Variants in CFAP44 observed in about 807,000 individuals in gnomAD.
CFAP44 encodes cilia and flagella associated protein 44, also known as cilia- and flagella-associated protein 44.
Under a neutral mutation model 216.2 loss-of-function variants are expected in CFAP44, and 134 were observed. The ratio of observed to expected loss-of-function variants is 0.62; its 90% CI spans 0.54 to 0.72. The LOEUF is 0.72. Ranked by LOEUF, CFAP44 falls within the 30% of genes least tolerant of loss-of-function variation. The pLI, the probability that CFAP44 is intolerant of heterozygous loss-of-function variation, is 0.00. For synonymous variants in CFAP44, 700 were observed against 727.6 expected, an observed-to-expected ratio of 0.96 and a Z score of 0.61; for missense variants, 2,035 against 2,182.1, an observed-to-expected ratio of 0.93 and a Z score of 1.34.
At chr3:113,400,782 TAGAA>T in intron 11 of CFAP44, 138 bp from the exon 12 acceptor site, 2 of 773,640 alleles carry the variant, frequency 2.6e-6, no homozygotes, top group Non-Finnish European at 4.1e-6. Flanking sequence ...CCTAAAAAGT[TAGAA>T]AGAACACTGG....
intron 28 of CFAP44, among the ~76,000 whole-genome samples, chr3:113,317,198 C>A (rs189841634): frequency 6.6e-6 from 1 of 152,334 alleles, no homozygotes; most frequent in Non-Finnish European, 1.5e-5. Flanking sequence ...CCATGACTCC[C>A]ATGGATGTGT....
At chr3:113,338,912 G>C (rs932108153) in intron 24 of CFAP44, among the ~76,000 whole-genome samples, 1 of 152,126 alleles carries the variant, frequency 6.6e-6, no homozygotes, top group African/African-American at 2.4e-5. Flanking sequence ...GCTGGAGAGA[G>C]CTGACTCCTC....
In CFAP44 at chr3:113,333,413, T is replaced by C; in HGVS notation, c.3608A>G (p.Asp1203Gly). Residue 1203 changes from aspartate (D) to glycine (G), a missense_variant, in exon 25 of 35, where the codon GAT becomes GGT. Around this residue, in one of 3 missense-constraint regions of CFAP44, gnomAD observed 1,883 missense variants for 2,023.7 expected, o/e 0.93. Coordinates refer to ENST00000393845, the MANE Select transcript of CFAP44 (RefSeq NM_001164496.2). ...AAATCTGTAGATAAGTACCAAAGAATCTAGGTGTCCTAGTTCCTCTTCCTT... is the reference window on the plus strand; with the variant it reads ...AAATCTGTAGATAAGTACCAAAGAACCTAGGTGTCCTAGTTCCTCTTCCTT... The part of the protein sequence containing the change: ...AKKEEELGHL[D>G]SLVHGNKRHM... The C allele has an allele frequency of 2.0e-6, 3 of 1,536,872 alleles. No homozygotes were observed. Among genetic ancestry groups the C allele is most frequent in the Non-Finnish European group, 2.6e-6 (3 of 1,146,770 alleles).
chr3:113,371,733 T>G (rs951657631), intron 18 of CFAP44, among the ~76,000 whole-genome samples: 1 of 152,170 alleles, frequency 6.6e-6, no homozygotes, highest in Non-Finnish European at 1.5e-5. Context: ...AAATGGGATC[T>G]AATTAAACTA....
Position 113,383,148 on chromosome 3 carries a change from A to C in CFAP44, c.1891-2088T>G, listed in dbSNP as rs181090879. 3.3e-5 allele frequency among the ~76,000 whole-genome samples: 5 copies of C among 152,338 alleles called. No individual in the cohort carries two copies. The East Asian group carries it at 9.6e-4, about 29-fold the overall frequency. On this transcript the variant is annotated intron_variant, in intron 15 of 34. Coordinates refer to ENST00000393845, the MANE Select transcript of CFAP44 (RefSeq NM_001164496.2). ...GAAGAAAAGACAGAGGGATAAAGGA[A>C]ATCAGGGCATTGGAAGAATGTTATT...
chr3:113,359,141 G>A (rs1950516131), intron 21 of CFAP44, among the ~76,000 whole-genome samples: 1 of 152,146 alleles, frequency 6.6e-6, no homozygotes, highest in African/African-American at 2.4e-5. Flanking sequence ...ATCAATATTT[G>A]GAGAGTATAC....
intron 18 of CFAP44, among the ~76,000 whole-genome samples, chr3:113,370,054 C>T (rs965421245): frequency 6.6e-6 from 1 of 152,142 alleles, no homozygotes; most frequent in Non-Finnish European, 1.5e-5. Flanking sequence ...TCTGAATAGA[C>T]CAATAACAGG....
rs756427990 is a variant in CFAP44, at chr3:113,306,259, A to T, written c.4700T>A (p.Val1567Asp). ...EKRLDIEEAL[V>D]EEKKIVDNLK... is the part of the protein sequence containing the mutation. ...GTTATCAACAATTTTCTTTTCTTCA[A>T]CTAAAGCCTCCTCAATGTCCAGCCT... Residue 1567 changes from valine (V) to aspartate (D), a missense_variant, in exon 30 of 35, where the codon GTT becomes GAT. Physicochemically the swap from Val to Asp is radical, Grantham distance 152 (BLOSUM62 -3). This residue lies in a region of CFAP44 where 1,883 missense variants were observed against 2,023.7 expected (regional missense o/e 0.93). Coordinates refer to ENST00000393845, the MANE Select transcript of CFAP44 (RefSeq NM_001164496.2). 1.9e-5 allele frequency: 29 copies of T among 1,536,908 alleles called. No homozygotes were observed. Among genetic ancestry groups the T allele is most frequent in the Non-Finnish European group, 2.4e-5 (27 of 1,146,784 alleles).
intron 28 of CFAP44, among the ~76,000 whole-genome samples, chr3:113,314,195 G>A (rs764078209): frequency 2.0e-5 from 3 of 152,098 alleles, no homozygotes; most frequent in African/African-American, 4.8e-5. Flanking sequence ...TTCCAAACAG[G>A]AGACACCCAA....
chr3:113,417,173 G>C (rs890717788), intron 5 of CFAP44: 2 of 152,172 alleles, frequency 1.3e-5, no homozygotes, highest in African/African-American at 2.4e-5. Flanking sequence ...CCTAAATTTT[G>C]TATAGAAAAA....
chr3:113,358,948 CCA>C (rs1950514618), intron 21 of CFAP44, 73 bp from the exon 22 acceptor site: 1 of 1,466,248 alleles, frequency 6.8e-7, no homozygotes, highest in Non-Finnish European at 9.0e-7. Flanking sequence ...AGTTTTGTCC[CCA>C]GTTTCATGCT....
chr3:113,426,736 A>C (rs112577257), intron 3 of CFAP44: 1 of 197,786 alleles, frequency 5.1e-6, no homozygotes, highest in African/African-American at 2.4e-5. Context: ...GAATGTACAC[A>C]GCCTGCAATA....
chr3:113,372,825 A>G (rs142128398), intron 18 of CFAP44, among the ~76,000 whole-genome samples: 26 of 152,336 alleles, frequency 1.7e-4, no homozygotes, highest in Middle Eastern at 3.4e-3. Context: ...GCAAATATCT[A>G]TAAGTTAAGG....
chr3:113,439,314 TATGCTGGATAAC>T (rs1935305596), intron 1 of CFAP44, among the ~76,000 whole-genome samples: 1 of 152,148 alleles, frequency 6.6e-6, no homozygotes, highest in African/African-American at 2.4e-5. Context: ...CTCACGCTTG[TATGCTGGATAAC>T]TATCCCAAAA....
chr3:113,321,727 C>T (rs775747821), intron 28 of CFAP44, among the ~76,000 whole-genome samples: 5 of 152,080 alleles, frequency 3.3e-5, no homozygotes, highest in Non-Finnish European at 7.4e-5. Context: ...CAATAATGTA[C>T]AGTCTGAAAA....
At chr3:113,417,809 C>T (rs1020574456) in intron 5 of CFAP44, among the ~76,000 whole-genome samples, 4 of 152,048 alleles carry the variant, frequency 2.6e-5, no homozygotes, top group South Asian at 4.2e-4. Context: ...AAGAAGCAAA[C>T]GGGCCTAAGA....
intron 18 of CFAP44, among the ~76,000 whole-genome samples, chr3:113,372,731 T>TA (rs928922777): frequency 1.7e-4 from 25 of 150,108 alleles, no homozygotes; most frequent in African/African-American, 5.6e-4. Context: ...AGTATAATAA[T>TA]AAAAAAAAAG....
chr3:113,395,893 T>C (rs920833286), intron 14 of CFAP44, 33 bp from the exon 15 acceptor site: 22 of 1,512,220 alleles, frequency 1.5e-5, no homozygotes, highest in East Asian at 2.3e-5. Flanking sequence ...ACGAAATATA[T>C]ATTACTATGA....
Position 113,287,105 on chromosome 3 carries a change from GCA to G in CFAP44, c.*4450_*4451del. The stretch of plus-strand genomic sequence containing the variant: ...AACAGGAGTCACCCAGGAAAGCACC[GCA>G]CAGGCTGGCGCGGGACAGACTCCTA... On this transcript the variant is annotated 3_prime_UTR_variant, in exon 35 of 35. Coordinates refer to ENST00000393845, the MANE Select transcript of CFAP44 (RefSeq NM_001164496.2). 1.9e-6 allele frequency: 1 copy of G among 523,330 alleles called. No individual in the cohort carries two copies. Among genetic ancestry groups the G allele is most frequent in the Non-Finnish European group, 3.6e-6 (1 of 274,494 alleles). 32.4% of individuals were successfully genotyped at this position (523,330 alleles called of 1,614,324 possible). A position where few individuals can be genotyped will look rare whatever the true frequency, so the allele number is the denominator to read the frequency against.
Sources: allele counts gnomAD v4.1 joint callset (sites outside exome capture counted in the v4.1 genomes callset), GRCh38; gene constraint gnomAD v4.1.1; regional missense constraint gnomAD v4.1.1; transcripts MANE v1.5; gene names NCBI Gene and HGNC (gene_info 2026-07-23, HGNC 2026-07-21).